CYP39A1: variants seen among roughly 807,000 people sequenced by gnomAD.
CYP39A1 encodes the protein cytochrome P450 family 39 subfamily A member 1, also known as 24-hydroxycholesterol 7-alpha-hydroxylase.
CYP39A1 carries 49 observed loss-of-function variants against 58.1 expected under a neutral mutation model. That is an observed-to-expected ratio of 0.84 (90% confidence interval 0.67 to 1.07). The LOEUF is 1.07. Among genes scored for constraint, CYP39A1 ranks in the 50% least tolerant of loss-of-function variants. The pLI is 0.00. For synonymous variants in CYP39A1, 209 were observed against 187.6 expected (o/e 1.11, Z -0.93); for missense variants, 531 against 539.4 (o/e 0.98, Z 0.16).
intron 7 of CYP39A1, among the ~76,000 whole-genome samples, chr6:46,598,223 A>G (rs1773286175): frequency 6.6e-6 from 1 of 152,166 alleles, no homozygotes; most frequent in Non-Finnish European, 1.5e-5. Flanking sequence ...AGTTATTTAC[A>G]CTGTTATTCT....
At chr6:46,641,566 G>GGA (rs1280183611) in intron 2 of CYP39A1, among the ~76,000 whole-genome samples, 2 of 152,092 alleles carry the variant, frequency 1.3e-5, no homozygotes, top group Non-Finnish European at 2.9e-5. Flanking sequence ...TGCGTTCCAG[G>GGA]GAGGACACAT....
chr6:46,564,597 G>A (rs2150487456), intron 10 of CYP39A1, among the ~76,000 whole-genome samples: 1 of 152,280 alleles, frequency 6.6e-6, no homozygotes, highest in Admixed American at 6.5e-5. Flanking sequence ...AGAGAGCAGT[G>A]ATAGAAGGAG....
chr6:46,559,632 A>G (rs1036419808), intron 10 of CYP39A1, among the ~76,000 whole-genome samples: 1 of 152,180 alleles, frequency 6.6e-6, no homozygotes, highest in African/African-American at 2.4e-5. Context: ...AGATGATCTG[A>G]AAAAAGCAGC....
At chr6:46,650,254 A>G (rs1762593089) in intron 1 of CYP39A1, among the ~76,000 whole-genome samples, 1 of 152,036 alleles carries the variant, frequency 6.6e-6, no homozygotes, top group African/African-American at 2.4e-5. Flanking sequence ...ACTTGAGAAA[A>G]CAGTGAAAAG....
At chr6:46,584,972 C>T (rs1308455393) in intron 10 of CYP39A1, among the ~76,000 whole-genome samples, 1 of 152,116 alleles carries the variant, frequency 6.6e-6, no homozygotes, top group Non-Finnish European at 1.5e-5. Context: ...ACATGTCTTA[C>T]TCATGCTCAA....
intron 10 of CYP39A1, chr6:46,583,048 A>G (rs1772236025): frequency 2.0e-6 from 2 of 985,010 alleles, no homozygotes; most frequent in Non-Finnish European, 2.4e-6. Context: ...AGACAAGCCC[A>G]TGACTTTGTG....
intron 7 of CYP39A1, among the ~76,000 whole-genome samples, chr6:46,611,940 A>G (rs1349352101): frequency 6.6e-6 from 1 of 152,238 alleles, no homozygotes; most frequent in Non-Finnish European, 1.5e-5. Context: ...TGTTTGAAAA[A>G]TTCACCAACA....
intron 10 of CYP39A1, among the ~76,000 whole-genome samples, chr6:46,585,192 T>C (rs1032299805): frequency 3.3e-5 from 5 of 152,118 alleles, no homozygotes; most frequent in Non-Finnish European, 5.9e-5. Flanking sequence ...TTGGAAACAA[T>C]AGTCAACAGG....
intron 3 of CYP39A1, 30 bp downstream of exon 3, chr6:46,639,464 A>G: frequency 6.3e-7 from 1 of 1,597,546 alleles, no homozygotes; most frequent in Non-Finnish European, 8.5e-7. Flanking sequence ...ACAAAAAGCA[A>G]GACTAAATCA....
intron 7 of CYP39A1, among the ~76,000 whole-genome samples, chr6:46,601,665 C>CTATTATTATTATTAT (rs3085597): frequency 4.1e-5 from 6 of 145,398 alleles, no homozygotes; most frequent in South Asian, 2.2e-4. Flanking sequence ...CTCAGGTTAC[C>CTATTATTATTATTAT]TATTATTATT....
intron 5 of CYP39A1, 113 bp downstream of exon 5, chr6:46,636,276 G>A (rs1775985293): frequency 1.4e-6 from 1 of 710,556 alleles, no homozygotes; most frequent in East Asian, 2.8e-5. Flanking sequence ...CAGTACAGTG[G>A]TTGACACAAA....
At chr6:46,578,025 G>A (rs1367032723) in intron 10 of CYP39A1, among the ~76,000 whole-genome samples, 1 of 152,000 alleles carries the variant, frequency 6.6e-6, no homozygotes, top group Non-Finnish European at 1.5e-5. Flanking sequence ...CACATGCTGG[G>A]TCATAAAAGC....
At chr6:46,555,050 G>GACACACAC (rs138308277) in intron 10 of CYP39A1, among the ~76,000 whole-genome samples, 4 of 148,390 alleles carry the variant, frequency 2.7e-5, no homozygotes, top group Non-Finnish European at 4.5e-5. Context: ...CGCAGACACA[G>GACACACAC]ACACACACAC....
Position 46,642,370 on chromosome 6 carries a change from A to C in CYP39A1, c.178-72T>G. ...ATGTTTAAGACCATTCTCCTCAAGAATCCTAATGCTGAAGTTATAGTCAAA... is the reference window on the plus strand; with the variant it reads ...ATGTTTAAGACCATTCTCCTCAAGACTCCTAATGCTGAAGTTATAGTCAAA... On this transcript the variant is annotated intron_variant, in intron 1 of 11. Transcript: ENST00000275016. The C allele has an allele frequency of 3.5e-6, 5 of 1,417,926 alleles. No homozygotes were observed. In the East Asian group the frequency reaches 7.0e-5, roughly 20 times the overall value. 87.8% of individuals were successfully genotyped at this position (1,417,926 alleles called of 1,614,324 possible).
intron 6 of CYP39A1, among the ~76,000 whole-genome samples, chr6:46,628,692 G>A (rs972578586): frequency 6.6e-6 from 1 of 152,028 alleles, no homozygotes; most frequent in African/African-American, 2.4e-5. Context: ...GGAAAAGACA[G>A]GCCCCACCAC....
chr6:46,571,575 T>C (rs1771585355), intron 10 of CYP39A1, among the ~76,000 whole-genome samples: 1 of 152,104 alleles, frequency 6.6e-6, no homozygotes, highest in Non-Finnish European at 1.5e-5. Flanking sequence ...ATGGAATATC[T>C]TTTTCCATCC....
rs566907976 is a variant in CYP39A1, at chr6:46,649,552, T to C, written c.177+2854A>G. On this transcript the variant is annotated intron_variant, in intron 1 of 11. Coordinates refer to ENST00000275016, the MANE Select transcript of CYP39A1 (RefSeq NM_016593.5). ...CATCTTCAAAGAATTAGGAGTTCTA[T>C]ATGGTACTAATATGTAAAGAGTAAA... Among the ~76,000 whole-genome samples the C allele has an allele frequency of 9.8e-5, 15 of 152,338 alleles. No individual in the cohort carries two copies. The East Asian group carries it at 2.9e-3, about 29-fold the overall frequency.
At chr6:46,628,924 G>T (rs1775485082) in intron 6 of CYP39A1, among the ~76,000 whole-genome samples, 1 of 152,182 alleles carries the variant, frequency 6.6e-6, no homozygotes, top group Non-Finnish European at 1.5e-5. Context: ...GCTGAACCAG[G>T]TGCTATTAGC....
chr6:46,634,649 G>A (rs1775867856), intron 5 of CYP39A1, among the ~76,000 whole-genome samples: 1 of 151,590 alleles, frequency 6.6e-6, no homozygotes, highest in African/African-American at 2.4e-5. Flanking sequence ...AGCCTCCTGA[G>A]TAGCTGGGAT....
Sources: gnomAD v4.1 joint callset for allele counts (sites outside exome capture counted in the v4.1 genomes callset) on GRCh38, gnomAD v4.1.1 for gene constraint, MANE v1.5 for transcripts, NCBI Gene and HGNC (gene_info 2026-07-23, HGNC 2026-07-21) for gene names.